Variants in INPP5A observed in about 807,000 individuals in gnomAD.
INPP5A encodes inositol polyphosphate-5-phosphatase A, also known as 43 kDa inositol polyphosphate 5-phophatase.
INPP5A carries 14 observed loss-of-function variants against 65.2 expected under a neutral mutation model. That is an observed-to-expected ratio of 0.21 (90% CI 0.14 to 0.34). The LOEUF (loss-of-function observed/expected upper bound fraction) is 0.34, where lower values mean the gene tolerates loss of function less well. Among genes scored for constraint, INPP5A ranks in the 10% least tolerant of loss-of-function variants. The pLI is 1.00. For synonymous variants in INPP5A, 207 were observed against 208.3 expected (o/e 0.99, Z 0.05); for missense variants, 431 against 545.6 (o/e 0.79, Z 2.09).
Position 132,705,690 on chromosome 10 carries a change from T to A in INPP5A, c.475-2623T>A, listed in dbSNP as rs1845527674. Reference sequence around the variant, plus strand: ...TACCTGGGGCCCGGGACTTTACAGGTGAGGGAAGAAGGACCAGCCCTGGAA... The same window carrying A: ...TACCTGGGGCCCGGGACTTTACAGGAGAGGGAAGAAGGACCAGCCCTGGAA... On this transcript the variant is annotated intron_variant, in intron 6 of 15. Coordinates refer to ENST00000368594, the MANE Select transcript of INPP5A (RefSeq NM_005539.5). This position sits in a 1 kb window ranked among gnomAD's most constrained non-coding sequence, Gnocchi z 4.9. 6.6e-6 allele frequency among the ~76,000 whole-genome samples: 1 copy of A among 152,110 alleles called. No individual in the cohort carries two copies. Among genetic ancestry groups the A allele is most frequent in the South Asian group, 2.1e-4 (1 of 4,830 alleles).
intron 12 of INPP5A, among the ~76,000 whole-genome samples, chr10:132,767,937 G>A (rs1166402205): frequency 2.8e-5 from 4 of 141,230 alleles, no homozygotes; most frequent in African/African-American, 8.1e-5. Flanking sequence ...GGGTGCCCAC[G>A]CGCCCAGTGG....
In INPP5A at chr10:132,725,519, TCAAGCGAA is replaced by T. The variant is rs1213093783; in HGVS notation, c.648-1301_648-1294del. Among the ~76,000 whole-genome samples the T allele has an allele frequency of 3.3e-5, 5 of 152,330 alleles. No homozygotes were observed. In the East Asian group the frequency reaches 9.7e-4, roughly 30 times the overall value. Reference sequence around the variant, plus strand: ...GCTCACTTGGGGATTCTTCTACTTCTCAAGCGAATGGATCAAGCTGGAAAAGGCTGAGT... The same window carrying T: ...GCTCACTTGGGGATTCTTCTACTTCTTGGATCAAGCTGGAAAAGGCTGAGT... On this transcript the variant is annotated intron_variant, in intron 8 of 15. Transcript: ENST00000368594.
chr10:132,565,767 ATGTG>A (rs2071266593), intron 1 of INPP5A, among the ~76,000 whole-genome samples: 2 of 148,342 alleles, frequency 1.3e-5, no homozygotes, highest in Non-Finnish European at 3.0e-5. Flanking sequence ...GTCTCCGTGC[ATGTG>A]TGTATGTGAA....
In INPP5A at chr10:132,538,521, G is replaced by C. The variant is rs1298919074; in HGVS notation, c.75+350G>C. On this transcript the variant is annotated intron_variant, in intron 1 of 15. Transcript: ENST00000368594. This position sits in a 1 kb window ranked among gnomAD's most constrained non-coding sequence, Gnocchi z 4.1. ...ATATTAAAACCCTGTCAGAACCCCT[G>C]TTAACAGTTCCTGGAACCCAAACCC... Among the ~76,000 whole-genome samples the C allele has an allele frequency of 6.6e-6, 1 of 152,138 alleles. No homozygotes were observed. Among genetic ancestry groups the C allele is most frequent in the Non-Finnish European group, 1.5e-5 (1 of 68,034 alleles).
intron 1 of INPP5A, among the ~76,000 whole-genome samples, chr10:132,588,035 G>T (rs1412197954): frequency 1.7e-5 from 2 of 120,920 alleles, no homozygotes; most frequent in African/African-American, 2.6e-5. Flanking sequence ...AAAAAAAAAG[G>T]ATTTGATCCT....
At chr10:132,781,783 G>T in intron 14 of INPP5A, 78 bp from the exon 15 acceptor site, 1 of 1,177,832 alleles carries the variant, frequency 8.5e-7, no homozygotes, top group Non-Finnish European at 1.3e-6. Flanking sequence ...AGGGTCTGGG[G>T]GTGCAACGGG....
At chr10:132,673,234 C>T (rs1000256032) in intron 4 of INPP5A, among the ~76,000 whole-genome samples, 1 of 151,260 alleles carries the variant, frequency 6.6e-6, no homozygotes, top group East Asian at 1.9e-4. Context: ...TGTTTGGTCT[C>T]GCGGTGGCAG....
Position 132,753,660 on chromosome 10 carries a change from C to T in INPP5A, c.903+3815C>T, listed in dbSNP as rs1360035770. The T allele has an allele frequency of 1.3e-5, 2 of 152,142 alleles. No homozygotes were observed. Among genetic ancestry groups the T allele is most frequent in the Admixed American group, 6.5e-5 (1 of 15,282 alleles). The allele number at this position is 152,142 out of a possible 1,614,324, so 9.4% of individuals were successfully genotyped here. A position where few individuals can be genotyped will look rare whatever the true frequency, so the allele number is the denominator to read the frequency against. On this transcript the variant is annotated intron_variant, in intron 11 of 15. Transcript: ENST00000368594. This position sits in a 1 kb window ranked among gnomAD's most constrained non-coding sequence, Gnocchi z 5.3. ...AAATTTTCCTCGGCTGTCCCAGGGC[C>T]GGGCTTGGGAGTTTCCGCAGCACCG... is the stretch of plus-strand genomic sequence containing the variant.
chr10:132,672,670 C>T (rs2072906874), intron 4 of INPP5A, among the ~76,000 whole-genome samples: 1 of 152,194 alleles, frequency 6.6e-6, no homozygotes, highest in Non-Finnish European at 1.5e-5. Context: ...TATTTATCAG[C>T]AGTGTGAAAA....
chr10:132,658,274 A>G (rs1213161160), intron 4 of INPP5A, among the ~76,000 whole-genome samples: 1 of 152,210 alleles, frequency 6.6e-6, no homozygotes, highest in African/African-American at 2.4e-5. Context: ...TTACTTCCTA[A>G]AAGTGTTGGA....
At chr10:132,541,272 C>T (rs2070903391) in intron 1 of INPP5A, among the ~76,000 whole-genome samples, 1 of 152,218 alleles carries the variant, frequency 6.6e-6, no homozygotes, top group African/African-American at 2.4e-5. Flanking sequence ...GCCACTGTCC[C>T]TGGTCCAGAG....
intron 8 of INPP5A, among the ~76,000 whole-genome samples, chr10:132,716,520 T>A (rs1845742641): frequency 6.6e-6 from 1 of 152,256 alleles, no homozygotes; most frequent in African/African-American, 2.4e-5. Context: ...GCCGGCTGTC[T>A]GGAGAGCGTT....
At chr10:132,646,618 G>A (rs957601707) in intron 3 of INPP5A, among the ~76,000 whole-genome samples, 1 of 152,176 alleles carries the variant, frequency 6.6e-6, no homozygotes, top group African/African-American at 2.4e-5. Flanking sequence ...CGCCCTCTGT[G>A]TCCCCTACAG....
chr10:132,726,269 C>T (rs1018006287), intron 8 of INPP5A, among the ~76,000 whole-genome samples: 8 of 152,202 alleles, frequency 5.3e-5, no homozygotes, highest in Admixed American at 2.6e-4. Context: ...ATATGTAAAC[C>T]TTCAAAACAG....
At chr10:132,656,521 G>T (rs2072658781) in intron 4 of INPP5A, among the ~76,000 whole-genome samples, 1 of 152,210 alleles carries the variant, frequency 6.6e-6, no homozygotes, top group African/African-American at 2.4e-5. Flanking sequence ...TGCTGCACAG[G>T]ACCCCAGCTG....
At chr10:132,681,157 A>G (rs886798387) in intron 4 of INPP5A, among the ~76,000 whole-genome samples, 2 of 152,222 alleles carry the variant, frequency 1.3e-5, no homozygotes, top group Non-Finnish European at 2.9e-5. Flanking sequence ...TATCTAGCTC[A>G]GGGATTGTAA....
At position 132,666,627 on chromosome 10, in the gene INPP5A, GA is replaced by G. The variant is rs373521197; in HGVS notation, c.306+16126del. Among the ~76,000 whole-genome samples the G allele has an allele frequency of 4.0e-3, 614 of 152,326 alleles. 2 individuals are homozygous for G. The highest frequency in any genetic ancestry group is 0.014 in the African/African-American group (583 of 41,564). On this transcript the variant is annotated intron_variant, in intron 4 of 15. Coordinates refer to ENST00000368594, the MANE Select transcript of INPP5A (RefSeq NM_005539.5). The stretch of plus-strand genomic sequence containing the variant: ...TGCAGCAGCATCTGGAATTGTCTGG[GA>G]AAACCCTGAAGGATGGCCCACACCG...
intron 1 of INPP5A, among the ~76,000 whole-genome samples, chr10:132,596,547 C>G (rs1384137207): frequency 6.6e-6 from 1 of 152,056 alleles, no homozygotes; most frequent in African/African-American, 2.4e-5. Context: ...CCTGCCTCAG[C>G]CTCCTGAGTA....
chr10:132,779,458 A>AGGCT, intron 13 of INPP5A, among the ~76,000 whole-genome samples: 1 of 152,372 alleles, frequency 6.6e-6, no homozygotes, highest in South Asian at 2.1e-4. Context: ...CAAGGGCAGA[A>AGGCT]GGCTGGCAGG....
Sources: allele counts gnomAD v4.1 joint callset (sites outside exome capture counted in the v4.1 genomes callset), GRCh38; gene constraint gnomAD v4.1.1; non-coding constraint Gnocchi (gnomAD v3.1); transcripts MANE v1.5; gene names NCBI Gene and HGNC (gene_info 2026-07-23, HGNC 2026-07-21).